The following JARID2 variants were observed in gnomAD, a reference collection of about 807,000 sequenced individuals.
The protein encoded by JARID2 is protein Jumonji.
In JARID2, 21 loss-of-function variants were observed where a neutral mutation model predicts 125.6. That is an observed-to-expected ratio of 0.17 (90% CI 0.12 to 0.24). The LOEUF (loss-of-function observed/expected upper bound fraction) is 0.24. Ranked by LOEUF, JARID2 falls within the 10% of genes least tolerant of loss-of-function variation. JARID2 has a pLI of 1.00. For synonymous variants in JARID2, 736 were observed against 661.6 expected (o/e 1.11, Z -1.73); for missense variants, 1,303 against 1,639.6 (o/e 0.79, Z 3.55).
In JARID2 at chr6:15,317,640, T is replaced by C. The variant is rs529053821; in HGVS notation, c.46-56477T>C. On this transcript the variant is annotated intron_variant, in intron 1 of 17. Coordinates refer to ENST00000341776, the MANE Select transcript of JARID2 (RefSeq NM_004973.4). ...CATAGTCCACTGCCAGAAGGTACCC[T>C]CTTGCGTCTCGGAGGTGCTGGTTCT... is the stretch of plus-strand genomic sequence containing the variant. Among the ~76,000 whole-genome samples the C allele has an allele frequency of 3.6e-3, 550 of 152,136 alleles. 5 individuals are homozygous for C. Among genetic ancestry groups the C allele is most frequent in the African/African-American group, 0.012 (513 of 41,488 alleles).
chr6:15,504,609 C>A lies in JARID2; in HGVS notation c.2541+17C>A, dbSNP rs747203266. ...GAAATCGAGGTGAGAGAAGGGGCCCCTCACGCTGCCTCTCATGGTGTGGGA... is the reference window on the plus strand; with the variant it reads ...GAAATCGAGGTGAGAGAAGGGGCCCATCACGCTGCCTCTCATGGTGTGGGA... On this transcript the variant is annotated intron_variant, in intron 9 of 17. Transcript: ENST00000341776. 2.6e-6 allele frequency: 4 copies of A among 1,531,470 alleles called. No individual in the cohort carries two copies. The African/African-American group carries it at 5.5e-5, about 21-fold the overall frequency. The allele number at this position is 1,531,470 out of a possible 1,614,324, so 94.9% of individuals were successfully genotyped here.
At chr6:15,506,177 TGGACAGCCCCTGGAGTTG>T (rs1770996517) in intron 9 of JARID2, among the ~76,000 whole-genome samples, 1 of 152,256 alleles carries the variant, frequency 6.6e-6, no homozygotes, top group Non-Finnish European at 1.5e-5. Flanking sequence ...AAAAGGCTGG[TGGACAGCCCCTGGAGTTG>T]GCCACCACCT....
chr6:15,517,375 C>A, intron 17 of JARID2, 107 bp downstream of exon 17: 1 of 749,438 alleles, frequency 1.3e-6, no homozygotes, highest in South Asian at 1.5e-5. Flanking sequence ...GGCGGGTAGT[C>A]AGGGCTCTGC....
chr6:15,439,673 C>G (rs1767364048), intron 3 of JARID2, among the ~76,000 whole-genome samples: 1 of 152,174 alleles, frequency 6.6e-6, no homozygotes, highest in Non-Finnish European at 1.5e-5. Context: ...ATCTTGAGTC[C>G]TGTTTAAGAG....
intron 1 of JARID2, among the ~76,000 whole-genome samples, chr6:15,357,773 G>T (rs1270519309): frequency 1.3e-5 from 2 of 152,144 alleles, no homozygotes; most frequent in Non-Finnish European, 2.9e-5. Context: ...GCTGTTTCCG[G>T]ATGCTATGTT....
intron 1 of JARID2, among the ~76,000 whole-genome samples, chr6:15,252,431 A>G (rs1369134267): frequency 6.6e-6 from 1 of 152,174 alleles, no homozygotes; most frequent in Non-Finnish European, 1.5e-5. Context: ...CCCGCATGCT[A>G]AACTGGACTC....
At chr6:15,365,819 CAGTA>C (rs1311770572) in intron 1 of JARID2, among the ~76,000 whole-genome samples, 3 of 152,078 alleles carry the variant, frequency 2.0e-5, no homozygotes, top group Admixed American at 6.5e-5. Flanking sequence ...TTCACAAGTT[CAGTA>C]AGTAAGTTTC....
intron 1 of JARID2, among the ~76,000 whole-genome samples, chr6:15,273,167 A>T (rs180855206): frequency 6.6e-6 from 1 of 152,300 alleles, no homozygotes; most frequent in African/African-American, 2.4e-5. Context: ...GCCTGGAAAC[A>T]TCGCAGTTGC....
intron 2 of JARID2, among the ~76,000 whole-genome samples, chr6:15,387,546 C>T (rs1267285896): frequency 6.6e-6 from 1 of 152,148 alleles, no homozygotes; most frequent in Non-Finnish European, 1.5e-5. Flanking sequence ...ATCACCTTCT[C>T]ATGGACCTTA....
intron 9 of JARID2, 62 bp downstream of exon 9, chr6:15,504,654 G>A (rs1770908252): frequency 1.4e-5 from 16 of 1,103,884 alleles, no homozygotes; most frequent in Admixed American, 7.0e-5. Context: ...CGAGCTGGAG[G>A]ACATCCTGTC....
At chr6:15,287,901 G>T (rs1046139582) in intron 1 of JARID2, among the ~76,000 whole-genome samples, 10 of 152,200 alleles carry the variant, frequency 6.6e-5, no homozygotes, top group African/African-American at 2.4e-4. Flanking sequence ...CTTTCGGGGT[G>T]TGGTGACTGT....
chr6:15,459,802 G>A (rs1413024943), intron 4 of JARID2, among the ~76,000 whole-genome samples: 1 of 152,186 alleles, frequency 6.6e-6, no homozygotes, highest in Non-Finnish European at 1.5e-5. Flanking sequence ...CAAAAGCCTG[G>A]GGTGATTTAG....
chr6:15,472,059 G>T (rs1207467625), intron 5 of JARID2, among the ~76,000 whole-genome samples: 1 of 150,604 alleles, frequency 6.6e-6, no homozygotes, highest in East Asian at 1.9e-4. Flanking sequence ...TGTTAATTCA[G>T]ATATTTCCAG....
intron 3 of JARID2, among the ~76,000 whole-genome samples, chr6:15,448,478 C>T (rs982669595): frequency 1.3e-5 from 2 of 152,156 alleles, no homozygotes; most frequent in Admixed American, 1.3e-4. Flanking sequence ...AGCTGTAAAC[C>T]CTTAACATCC....
chr6:15,248,711 C>T (rs1759303106), intron 1 of JARID2: 1 of 163,106 alleles, frequency 6.1e-6, no homozygotes, highest in Admixed American at 6.5e-5. Context: ...CGCTCGGTTC[C>T]CCGACGCTCC....
Position 15,511,311 on chromosome 6 carries a change from TGAG to T in JARID2, c.2869_2871del (p.Glu957del). ...AATGACCCAGGTATTGCATTCCTGCTGAGGAGGAGAACAAGCTGGAAGATGTGG... is the reference window on the plus strand; with the variant it reads ...AATGACCCAGGTATTGCATTCCTGCTGAGGAGAACAAGCTGGAAGATGTGG... On this transcript the variant is annotated inframe_deletion, in exon 13 of 18. Transcript: ENST00000341776. 6.2e-7 allele frequency: 1 copy of T among 1,613,508 alleles called. No individual in the cohort carries two copies. Among genetic ancestry groups the T allele is most frequent in the Non-Finnish European group, 8.5e-7 (1 of 1,179,470 alleles).
chr6:15,354,596 G>A (rs1250665863), intron 1 of JARID2, among the ~76,000 whole-genome samples: 5 of 152,062 alleles, frequency 3.3e-5, no homozygotes, highest in Admixed American at 2.6e-4. Flanking sequence ...AGACATTCAA[G>A]CACAGATAAG....
chr6:15,326,691 T>G (rs1324691859), intron 1 of JARID2, among the ~76,000 whole-genome samples: 1 of 152,158 alleles, frequency 6.6e-6, no homozygotes, highest in Non-Finnish European at 1.5e-5. Context: ...AGTAGAGACA[T>G]GGTTTCACCA....
intron 2 of JARID2, among the ~76,000 whole-genome samples, chr6:15,408,506 C>G (rs1765741797): frequency 6.6e-6 from 1 of 152,162 alleles, no homozygotes; most frequent in South Asian, 2.1e-4. Context: ...CGCATAGTGA[C>G]ACTACTAATG....
Sources: gnomAD v4.1 joint callset for allele counts (sites outside exome capture counted in the v4.1 genomes callset) on GRCh38, gnomAD v4.1.1 for gene constraint, MANE v1.5 for transcripts, NCBI Gene and HGNC (gene_info 2026-07-23, HGNC 2026-07-21) for gene names.